ARHGAP15: variants seen among roughly 807,000 people sequenced by gnomAD.
The protein encoded by ARHGAP15 is Rho GTPase activating protein 15.
In ARHGAP15, 51 loss-of-function variants were observed where a neutral mutation model predicts 63.7. The ratio of observed to expected loss-of-function variants is 0.80; its 90% CI spans 0.64 to 1.01. ARHGAP15 has a LOEUF of 1.01. Ranked by LOEUF, ARHGAP15 falls within the 50% of genes least tolerant of loss-of-function variation. The pLI is 0.00. For synonymous variants in ARHGAP15, 191 were observed against 193.8 expected (o/e 0.99, Z 0.12); for missense variants, 560 against 564.6 (o/e 0.99, Z 0.08).
intron 12 of ARHGAP15, among the ~76,000 whole-genome samples, chr2:143,664,453 C>T (rs1574801596): frequency 6.6e-6 from 1 of 152,042 alleles, no homozygotes; most frequent in Non-Finnish European, 1.5e-5. Flanking sequence ...TAAATGCCCA[C>T]AAGAGAAAGC....
chr2:143,760,346 A>G (rs1338334183), intron 13 of ARHGAP15, among the ~76,000 whole-genome samples: 1 of 152,214 alleles, frequency 6.6e-6, no homozygotes, highest in African/African-American at 2.4e-5. Flanking sequence ...AGTAACAAAC[A>G]GTAACTACTG....
intron 2 of ARHGAP15, among the ~76,000 whole-genome samples, chr2:143,186,860 C>T (rs1691468772): frequency 6.6e-6 from 1 of 152,214 alleles, no homozygotes; most frequent in Admixed American, 6.5e-5. Context: ...CCTCTTTAGT[C>T]TTCCAAGGGG....
At chr2:143,179,036 G>A (rs1434439141) in intron 2 of ARHGAP15, among the ~76,000 whole-genome samples, 2 of 152,172 alleles carry the variant, frequency 1.3e-5, no homozygotes, top group African/African-American at 2.4e-5. Context: ...ATGCTAAGGT[G>A]CATGCAATTA....
chr2:143,259,459 G>A (rs957633035), intron 6 of ARHGAP15, among the ~76,000 whole-genome samples: 4 of 152,078 alleles, frequency 2.6e-5, no homozygotes, highest in Admixed American at 6.6e-5. Flanking sequence ...GCTTCATTAC[G>A]AGCAAATTTG....
chr2:143,676,386 A>C (rs750134365), intron 12 of ARHGAP15: 1 of 152,218 alleles, frequency 6.6e-6, no homozygotes, highest in Non-Finnish European at 1.5e-5. Context: ...ATTCTTTGGC[A>C]CAAGCAACCT....
intron 8 of ARHGAP15, among the ~76,000 whole-genome samples, chr2:143,465,936 C>T (rs922723813): frequency 6.6e-6 from 1 of 152,124 alleles, no homozygotes; most frequent in South Asian, 2.1e-4. Flanking sequence ...CTCTATGTCT[C>T]TGTTTAGGGA....
At chr2:143,151,377 C>T (rs1689810468) in intron 1 of ARHGAP15, among the ~76,000 whole-genome samples, 3 of 152,110 alleles carry the variant, frequency 2.0e-5, no homozygotes, top group African/African-American at 7.2e-5. Flanking sequence ...ACAAATCCTA[C>T]CACCTCTGAA....
intron 13 of ARHGAP15, among the ~76,000 whole-genome samples, chr2:143,718,508 A>G (rs556522214): frequency 1.4e-4 from 22 of 152,340 alleles, no homozygotes; most frequent in East Asian, 1.4e-3. Context: ...ATGTAAAAAG[A>G]AAGTTTAAAA....
chr2:143,228,233 T>G (rs1693294533), intron 4 of ARHGAP15: 2 of 160,402 alleles, frequency 1.2e-5, no homozygotes, highest in African/African-American at 4.8e-5. Flanking sequence ...TTCTGATTCC[T>G]ATTTTTACTT....
chr2:143,668,210 C>G (rs750292159), intron 12 of ARHGAP15, among the ~76,000 whole-genome samples: 1 of 150,932 alleles, frequency 6.6e-6, no homozygotes, highest in Non-Finnish European at 1.5e-5. Context: ...TTATCTGGAT[C>G]TTGACAATAT....
In ARHGAP15 at chr2:143,768,185, G is replaced by T; in HGVS notation, c.*13G>T. 6.2e-7 allele frequency: 1 copy of T among 1,610,798 alleles called. No homozygotes were observed. Among genetic ancestry groups the T allele is most frequent in the Non-Finnish European group, 8.5e-7 (1 of 1,177,806 alleles). On this transcript the variant is annotated 3_prime_UTR_variant, in exon 14 of 14. Coordinates refer to ENST00000295095, the MANE Select transcript of ARHGAP15 (RefSeq NM_018460.4). ...AGAGGAAGACTGACAGACAAGACAA[G>T]CTACTGAATACGTTCACATCTGTCT...
At chr2:143,594,648 TA>T (rs1426643450) in intron 11 of ARHGAP15, among the ~76,000 whole-genome samples, 4 of 152,286 alleles carry the variant, frequency 2.6e-5, no homozygotes, top group African/African-American at 9.6e-5. Flanking sequence ...CTGATGTAAC[TA>T]ACCTCTAAAA....
At chr2:143,500,088 A>G (rs1255442406) in intron 9 of ARHGAP15, among the ~76,000 whole-genome samples, 2 of 151,934 alleles carry the variant, frequency 1.3e-5, no homozygotes. Context: ...ATATCTGTTT[A>G]TAATACAGCC....
chr2:143,542,679 TATGATATATAGTATCAC>T (rs1695132226), intron 10 of ARHGAP15, among the ~76,000 whole-genome samples: 1 of 134,140 alleles, frequency 7.5e-6, no homozygotes. Context: ...ATATATATGA[TATGATATATAGTATCAC>T]ATATATAATA....
At chr2:143,368,963 GAAAAT>G (rs1197277932) in intron 6 of ARHGAP15, among the ~76,000 whole-genome samples, 3 of 151,998 alleles carry the variant, frequency 2.0e-5, no homozygotes, top group Non-Finnish European at 2.9e-5. Context: ...AGTCAACAGA[GAAAAT>G]AAAAATAACA....
At chr2:143,280,129 A>G (rs1306186825) in intron 6 of ARHGAP15, among the ~76,000 whole-genome samples, 1 of 152,228 alleles carries the variant, frequency 6.6e-6, no homozygotes, top group Non-Finnish European at 1.5e-5. Context: ...AAGCATAGCT[A>G]TATGATTTAC....
intron 11 of ARHGAP15, among the ~76,000 whole-genome samples, chr2:143,623,870 G>A (rs1420386959): frequency 6.6e-6 from 1 of 152,192 alleles, no homozygotes; most frequent in East Asian, 1.9e-4. Flanking sequence ...GGGAATAAAC[G>A]TATCTGACAT....
chr2:143,520,875 C>T (rs755259932), intron 10 of ARHGAP15, among the ~76,000 whole-genome samples: 14 of 152,088 alleles, frequency 9.2e-5, no homozygotes, highest in Admixed American at 2.0e-4. Flanking sequence ...TGTAAAGAAG[C>T]GCTCCATTCC....
In ARHGAP15 at chr2:143,324,349, T is replaced by C. The variant is rs116379797; in HGVS notation, c.474+73749T>C. On this transcript the variant is annotated intron_variant, in intron 6 of 13. Coordinates refer to ENST00000295095, the MANE Select transcript of ARHGAP15 (RefSeq NM_018460.4). ...GGACTGGAAAAATAGTCAATGGTTT[T>C]CTTTTGGTGTTTGCGTTCTTAATTC... Among the ~76,000 whole-genome samples the C allele has an allele frequency of 8.8e-3, 1,337 of 152,342 alleles. 23 individuals are homozygous for C. Among genetic ancestry groups the C allele is most frequent in the African/African-American group, 0.03 (1,261 of 41,564 alleles).
Sources: allele counts gnomAD v4.1 joint callset (sites outside exome capture counted in the v4.1 genomes callset), GRCh38; gene constraint gnomAD v4.1.1; transcripts MANE v1.5; gene names NCBI Gene and HGNC (gene_info 2026-07-23, HGNC 2026-07-21).